SRBD1: variants seen among roughly 807,000 people sequenced by gnomAD.
The protein encoded by SRBD1 is S1 RNA binding domain 1, also known as S1 RNA-binding domain-containing protein 1.
A neutral mutation model predicts 115.3 loss-of-function variants in SRBD1; 88 were observed. That is an observed-to-expected ratio of 0.76 (90% CI 0.64 to 0.91). The LOEUF (loss-of-function observed/expected upper bound fraction) is 0.91. Among genes scored for constraint, SRBD1 ranks in the 40% least tolerant of loss-of-function variants. The pLI is 0.00. For missense variants in SRBD1, 1,385 were observed against 1,177.4 expected (o/e 1.18, Z -2.58); for synonymous variants, 509 against 407.7 (o/e 1.25, Z -2.99).
chr2:45,433,337 T>C (rs1668394692), intron 16 of SRBD1, among the ~76,000 whole-genome samples: 1 of 152,126 alleles, frequency 6.6e-6, no homozygotes, highest in Non-Finnish European at 1.5e-5. Flanking sequence ...CAAGAGTTAA[T>C]CATTTCACAA....
intron 17 of SRBD1, 146 bp from the exon 18 acceptor site, chr2:45,418,687 AC>A (rs1307365417): frequency 5.7e-4 from 253 of 441,996 alleles, no homozygotes; most frequent in South Asian, 1.6e-3. Context: ...AAAAAAAAAA[AC>A]AAAAAAAAAA....
intron 16 of SRBD1, among the ~76,000 whole-genome samples, chr2:45,459,155 A>C (rs1036534538): frequency 6.6e-6 from 1 of 152,192 alleles, no homozygotes; most frequent in Non-Finnish European, 1.5e-5. Flanking sequence ...TTAGATGTGA[A>C]CCACAACAGA....
chr2:45,510,218 T>C (rs1670926015), intron 14 of SRBD1, among the ~76,000 whole-genome samples: 1 of 152,208 alleles, frequency 6.6e-6, no homozygotes, highest in African/African-American at 2.4e-5. Flanking sequence ...AAGTTTTCTG[T>C]TATATAGAGA....
At chr2:45,531,520 ATTC>A (rs1242682416) in intron 14 of SRBD1, among the ~76,000 whole-genome samples, 1 of 150,864 alleles carries the variant, frequency 6.6e-6, no homozygotes, top group Non-Finnish European at 1.5e-5. Flanking sequence ...ATTTTCCACT[ATTC>A]AGATTAAGAA....
At chr2:45,605,551 A>C in intron 1 of SRBD1, 110 bp from the exon 2 acceptor site, 1 of 1,015,732 alleles carries the variant, frequency 9.8e-7, no homozygotes, top group Non-Finnish European at 1.5e-6. Flanking sequence ...AAAAACAAAA[A>C]CAATGATGTT....
intron 14 of SRBD1, among the ~76,000 whole-genome samples, chr2:45,511,053 A>G (rs1055564488): frequency 1.3e-5 from 2 of 152,212 alleles, no homozygotes; most frequent in African/African-American, 4.8e-5. Flanking sequence ...ACCAAAGTCA[A>G]ACGAAATCCT....
chr2:45,471,999 GAA>G (rs1230703720), intron 16 of SRBD1, among the ~76,000 whole-genome samples: 1 of 151,984 alleles, frequency 6.6e-6, no homozygotes, highest in Non-Finnish European at 1.5e-5. Context: ...CAAGAGAAAT[GAA>G]AACATACATA....
intron 4 of SRBD1, among the ~76,000 whole-genome samples, 169 bp downstream of exon 4, chr2:45,599,280 A>C (rs1674009959): frequency 6.6e-6 from 1 of 152,236 alleles, no homozygotes; most frequent in African/African-American, 2.4e-5. Flanking sequence ...CTACAACACA[A>C]AACAGTGTAC....
At chr2:45,398,898 G>A (rs1667219989) in intron 19 of SRBD1, among the ~76,000 whole-genome samples, 1 of 152,146 alleles carries the variant, frequency 6.6e-6, no homozygotes, top group African/African-American at 2.4e-5. Flanking sequence ...ACCTCTAAAT[G>A]AGTATGAGTA....
At chr2:45,418,641 C>T in intron 17 of SRBD1, 100 bp from the exon 18 acceptor site, 1 of 943,634 alleles carries the variant, frequency 1.1e-6, no homozygotes, top group South Asian at 2.4e-5. Flanking sequence ...GACATATCCT[C>T]ATACGGCTAA....
chr2:45,413,752 AC>A (rs1667675826), intron 18 of SRBD1, among the ~76,000 whole-genome samples: 2 of 151,884 alleles, frequency 1.3e-5, no homozygotes, highest in Non-Finnish European at 2.9e-5. Context: ...ACATGATGAA[AC>A]CCTGTCTGTA....
At chr2:45,482,890 A>G (rs898747511) in intron 15 of SRBD1, among the ~76,000 whole-genome samples, 2 of 152,142 alleles carry the variant, frequency 1.3e-5, no homozygotes, top group African/African-American at 4.8e-5. Flanking sequence ...TATAGGTTAC[A>G]TTTAATACCT....
chr2:45,399,859 C>G (rs903691024), intron 19 of SRBD1, among the ~76,000 whole-genome samples: 2 of 152,056 alleles, frequency 1.3e-5, no homozygotes, highest in African/African-American at 4.8e-5. Context: ...TAATTTACTG[C>G]CTGTAAAGCC....
At chr2:45,452,299 C>G (rs1174395513) in intron 16 of SRBD1, among the ~76,000 whole-genome samples, 1 of 151,900 alleles carries the variant, frequency 6.6e-6, no homozygotes, top group Admixed American at 6.6e-5. Flanking sequence ...GTTTAATTAA[C>G]CTTCTTATTT....
At chr2:45,426,364 A>G (rs1668155315) in intron 16 of SRBD1, among the ~76,000 whole-genome samples, 2 of 152,218 alleles carry the variant, frequency 1.3e-5, no homozygotes, top group Admixed American at 6.5e-5. Flanking sequence ...GGGCTTATAG[A>G]TAAAACTCCC....
chr2:45,580,015 T>C lies in SRBD1; in HGVS notation c.934-2A>G, dbSNP rs1673300316. 1.3e-6 allele frequency: 2 copies of C among 1,528,856 alleles called. No homozygotes were observed. The highest frequency in any genetic ancestry group is 1.3e-5 in the South Asian group (1 of 78,946). The allele number at this position is 1,528,856 out of a possible 1,614,324, so 94.7% of individuals were successfully genotyped here. A position where few individuals can be genotyped will look rare whatever the true frequency, so the allele number is the denominator to read the frequency against. On this transcript the variant is annotated splice_acceptor_variant, in intron 6 of 20. Transcript: ENST00000263736. LOFTEE classifies it high-confidence loss of function. ...GCTTCCAGTTTTATATGGAGCAGAC[T>C]AGAAAATAAAGACAGAAAACATATG...
intron 4 of SRBD1, among the ~76,000 whole-genome samples, chr2:45,592,801 CCAG>C (rs1673765295): frequency 6.6e-6 from 1 of 152,172 alleles, no homozygotes; most frequent in Non-Finnish European, 1.5e-5. Flanking sequence ...GGTCCCCAAA[CCAG>C]CAGCATAAGC....
intron 19 of SRBD1, among the ~76,000 whole-genome samples, chr2:45,397,193 G>A (rs1208105588): frequency 6.6e-6 from 1 of 152,078 alleles, no homozygotes; most frequent in Non-Finnish European, 1.5e-5. Flanking sequence ...TAAAAAGAAA[G>A]CTTATACTCT....
chr2:45,470,655 C>T (rs1033353515), intron 16 of SRBD1, among the ~76,000 whole-genome samples: 3 of 152,182 alleles, frequency 2.0e-5, no homozygotes, highest in African/African-American at 7.2e-5. Flanking sequence ...CAAGGCCAAG[C>T]TAAACCACCA....
Sources: gnomAD v4.1 joint callset for allele counts (sites outside exome capture counted in the v4.1 genomes callset) on GRCh38, gnomAD v4.1.1 for gene constraint, MANE v1.5 for transcripts, NCBI Gene and HGNC (gene_info 2026-07-23, HGNC 2026-07-21) for gene names.